RAP1GAP: variants seen among roughly 807,000 people sequenced by gnomAD.
RAP1GAP encodes the protein RAP1 GTPase activating protein.
A neutral mutation model predicts 87.2 loss-of-function variants in RAP1GAP; 35 were observed. The ratio of observed to expected loss-of-function variants is 0.40; its 90% CI spans 0.31 to 0.53. RAP1GAP has a LOEUF of 0.53. Ranked by LOEUF, RAP1GAP falls within the 20% of genes least tolerant of loss-of-function variation. The probability of loss-of-function intolerance (pLI) is 0.48; values close to 1 mark genes in which losing one functional copy is unlikely to be tolerated. For missense variants in RAP1GAP, 734 were observed against 898.9 expected, an observed-to-expected ratio of 0.82 and a Z score of 2.35; for synonymous variants, 375 against 363.9, an observed-to-expected ratio of 1.03 and a Z score of -0.35.
intron 1 of RAP1GAP, among the ~76,000 whole-genome samples, chr1:21,666,402 G>C (rs550460571): frequency 6.6e-6 from 1 of 152,316 alleles, no homozygotes; most frequent in South Asian, 2.1e-4. Context: ...GCCTGCACTG[G>C]GTCCTGTCCT....
chr1:21,632,555 T>A (rs1415075707), intron 2 of RAP1GAP, among the ~76,000 whole-genome samples: 2 of 152,098 alleles, frequency 1.3e-5, no homozygotes, highest in African/African-American at 2.4e-5. Context: ...AACACAGGCC[T>A]TCCACCAGTC....
At chr1:21,599,674 G>A in intron 20 of RAP1GAP, 57 bp from the exon 21 acceptor site, 1 of 1,568,374 alleles carries the variant, frequency 6.4e-7, no homozygotes, top group Non-Finnish European at 8.6e-7. Flanking sequence ...CCTGGGCCAG[G>A]CCCTCACTCC....
chr1:21,597,793 A>G, intron 23 of RAP1GAP, 65 bp from the exon 24 acceptor site: 1 of 1,582,872 alleles, frequency 6.3e-7, no homozygotes, highest in African/African-American at 1.3e-5. Context: ...CGGGAGACAC[A>G]GGTGCACAAA....
At position 21,618,265 on chromosome 1, in the gene RAP1GAP, C is replaced by A. The variant is rs3767115; in HGVS notation, c.67-293G>T. 0.084 allele frequency among the ~76,000 whole-genome samples: 12,747 copies of A among 152,166 alleles called. 666 individuals carry two copies. Among genetic ancestry groups the A allele is most frequent in the East Asian group, 0.24 (1,228 of 5,154 alleles). On this transcript the variant is annotated intron_variant, in intron 5 of 24. Transcript: ENST00000374765. ...AGAGCTTTGGATGCAGCGGTCTGGGCGGGGTCTGAGAATGTACATTCCTCA... is the reference window on the plus strand; with the variant it reads ...AGAGCTTTGGATGCAGCGGTCTGGGAGGGGTCTGAGAATGTACATTCCTCA...
chr1:21,599,128 C>G (rs1431510609), intron 21 of RAP1GAP, among the ~76,000 whole-genome samples: 1 of 152,186 alleles, frequency 6.6e-6, no homozygotes, highest in Non-Finnish European at 1.5e-5. Flanking sequence ...GAGGAGGCGG[C>G]AGGAAGAGTG....
Position 21,599,632 on chromosome 1 carries a change from G to A in RAP1GAP, c.1653-15C>T, listed in dbSNP as rs1216434011. On this transcript the variant is annotated splice_polypyrimidine_tract_variant and intron_variant, in intron 20 of 24. Transcript: ENST00000374765. ...CGGTCTCCGCTCTGCCACAGACAGT[G>A]CCCCATTAGCCGGTGTCCACCCCGA... 8 of 1,595,828 alleles carry A rather than the reference G, an allele frequency of 5.0e-6. No homozygotes were observed. The African/African-American group carries it at 9.4e-5, about 19-fold the overall frequency.
intron 2 of RAP1GAP, among the ~76,000 whole-genome samples, chr1:21,628,763 C>T (rs1477934554): frequency 6.6e-6 from 1 of 152,016 alleles, no homozygotes; most frequent in Middle Eastern, 3.2e-3. Flanking sequence ...TGGTGGGCAC[C>T]TATAACCCCA....
Position 21,609,708 on chromosome 1 carries a change from C to T in RAP1GAP, c.1000-62G>A. ...TGGGGTCTGCTCTGCCCCACCCAGC[C>T]AGAAACCCCTACTGTGCCTCCCTGG... On this transcript the variant is annotated intron_variant, in intron 14 of 24. Transcript: ENST00000374765. This position sits in a 1 kb window ranked among gnomAD's most constrained non-coding sequence, Gnocchi z 4.4. The T allele has an allele frequency of 7.7e-7, 1 of 1,300,780 alleles. No individual in the cohort carries two copies. 80.6% of individuals were successfully genotyped at this position (1,300,780 alleles called of 1,614,324 possible). A position where few individuals can be genotyped will look rare whatever the true frequency, so the allele number is the denominator to read the frequency against.
intron 2 of RAP1GAP, among the ~76,000 whole-genome samples, chr1:21,630,715 A>G (rs2093566773): frequency 1.3e-5 from 2 of 151,550 alleles, no homozygotes; most frequent in Non-Finnish European, 2.9e-5. Flanking sequence ...GGCTAATTAA[A>G]AATAAATTTT....
chr1:21,620,463 A>G (rs964530421), intron 3 of RAP1GAP, among the ~76,000 whole-genome samples: 3 of 152,206 alleles, frequency 2.0e-5, no homozygotes, highest in Non-Finnish European at 2.9e-5. Flanking sequence ...GCCACAGCCC[A>G]CTGCTCAGAC....
chr1:21,665,841 T>C (rs538485026), intron 1 of RAP1GAP, among the ~76,000 whole-genome samples: 2 of 152,330 alleles, frequency 1.3e-5, no homozygotes, highest in African/African-American at 4.8e-5. Context: ...ATCCAGAGGC[T>C]GCACTCTGCA....
chr1:21,602,957 C>T (rs757845300), intron 18 of RAP1GAP, 44 bp from the exon 19 acceptor site: 17 of 1,384,094 alleles, frequency 1.2e-5, no homozygotes, highest in African/African-American at 2.1e-5. Flanking sequence ...ACCTGGGAGC[C>T]CCAGTGCCCC....
intron 2 of RAP1GAP, among the ~76,000 whole-genome samples, chr1:21,638,850 G>A (rs888038637): frequency 6.6e-6 from 1 of 152,152 alleles, no homozygotes; most frequent in African/African-American, 2.4e-5. Context: ...TTATTCCAAG[G>A]GGGAGAAGCT....
At chr1:21,624,098 ACT>A (rs772955940) in intron 3 of RAP1GAP, among the ~76,000 whole-genome samples, 14 of 152,022 alleles carry the variant, frequency 9.2e-5, no homozygotes, top group Admixed American at 9.2e-4. Flanking sequence ...TGTGTCTGTG[ACT>A]CTGTCCCCAT....
intron 1 of RAP1GAP, among the ~76,000 whole-genome samples, chr1:21,656,445 A>G (rs1304593501): frequency 6.6e-6 from 1 of 151,366 alleles, no homozygotes; most frequent in African/African-American, 2.4e-5. Context: ...AAAAAAAAAA[A>G]AAAAAAAAAG....
chr1:21,624,235 C>T (rs1439658045), intron 3 of RAP1GAP, among the ~76,000 whole-genome samples: 2 of 152,074 alleles, frequency 1.3e-5, no homozygotes, highest in Admixed American at 6.6e-5. Context: ...AAATGTGGGG[C>T]CTGAAGGGAG....
chr1:21,629,580 T>G, intron 2 of RAP1GAP, among the ~76,000 whole-genome samples: 1 of 151,766 alleles, frequency 6.6e-6, no homozygotes, highest in Non-Finnish European at 1.5e-5. Flanking sequence ...GCTGAGGCCG[T>G]AAGGGGCAGG....
At position 21,597,717 on chromosome 1, in the gene RAP1GAP, CG is replaced by C; in HGVS notation, c.*2del. On this transcript the variant is annotated 3_prime_UTR_variant, in exon 24 of 25. Transcript: ENST00000374765. ...AGTTTCACCTTCAGAGGGGGTGGCC[CG>C]GCTAACAGCCCTGCAGACAGACAGT... The C allele has an allele frequency of 6.2e-7, 1 of 1,613,462 alleles. No homozygotes were observed.
chr1:21,668,325 C>T lies in RAP1GAP; in HGVS notation c.-149+929G>A, dbSNP rs371254004. 5.6e-4 allele frequency among the ~76,000 whole-genome samples: 86 copies of T among 152,280 alleles called. No homozygotes were observed. Among genetic ancestry groups the T allele is most frequent in the South Asian group, 5.4e-3 (26 of 4,828 alleles). ...TTCCCTCAGTGTCCTTCCTGCCTGCCGCCCCAGGGGCCTGACCTCTGACTT... is the reference window on the plus strand; with the variant it reads ...TTCCCTCAGTGTCCTTCCTGCCTGCTGCCCCAGGGGCCTGACCTCTGACTT... On this transcript the variant is annotated intron_variant, in intron 1 of 24. Coordinates refer to ENST00000374765, the MANE Select transcript of RAP1GAP (RefSeq NM_002885.4). The surrounding 1 kb of genome is among the most constrained non-coding windows in gnomAD (Gnocchi z 6.2).
Sources: allele counts gnomAD v4.1 joint callset (sites outside exome capture counted in the v4.1 genomes callset), GRCh38; gene constraint gnomAD v4.1.1; non-coding constraint Gnocchi (gnomAD v3.1); transcripts MANE v1.5; gene names NCBI Gene and HGNC (gene_info 2026-07-23, HGNC 2026-07-21).